COL16A1: variants seen among roughly 807,000 people sequenced by gnomAD.
COL16A1 encodes collagen alpha-1(XVI) chain.
COL16A1 carries 189 observed loss-of-function variants against 266.3 expected under a neutral mutation model. That is an observed-to-expected ratio of 0.71 (90% CI 0.63 to 0.80). The LOEUF is 0.80. Ranked by LOEUF, COL16A1 falls within the 30% of genes least tolerant of loss-of-function variation. The pLI, the probability that COL16A1 is intolerant of heterozygous loss-of-function variation, is 0.00. For missense variants in COL16A1, 1,928 were observed against 2,122.4 expected (o/e 0.91, Z 1.80); for synonymous variants, 740 against 782.3 (o/e 0.95, Z 0.90).
At position 31,683,995 on chromosome 1, in the gene COL16A1, G is replaced by T. The variant is rs757782497; in HGVS notation, c.2292C>A (p.Pro764=). 1 of 1,614,176 alleles carries T rather than the reference G, an allele frequency of 6.2e-7. No homozygotes were observed. Among genetic ancestry groups the T allele is most frequent in the Non-Finnish European group, 8.5e-7 (1 of 1,180,010 alleles). Residue 764 remains proline, a synonymous_variant, in exon 33 of 71, where the codon CCC becomes CCA. Transcript: ENST00000373672. ...GVGRPGKPGQ[P]GLPGVQGPPG... ...GGGGCCCTTGAACTCCTGGTAGACC[G>T]GGTTGGCCCTAAAAGGCATAAGGTG...
At chr1:31,660,760 C>T in intron 61 of COL16A1, 122 bp from the exon 62 acceptor site, 1 of 1,402,228 alleles carries the variant, frequency 7.1e-7, no homozygotes, top group Non-Finnish European at 9.7e-7. Flanking sequence ...GGAGCTGGGC[C>T]AATTCCCAGC....
At chr1:31,653,551 G>A (rs1005243382) in intron 70 of COL16A1, 48 bp downstream of exon 70, 15 of 1,571,486 alleles carry the variant, frequency 9.5e-6, no homozygotes, top group Non-Finnish European at 1.2e-5. Context: ...AAAGAAAAGG[G>A]GTCTCTGCTG....
Position 31,656,133 on chromosome 1 carries a change from A to T in COL16A1, c.4101+267T>A. ...GACAAGGGCCTGGAATGTGAGCAGG[A>T]GCAAGGGAGTGCTCGGGAAATGGAA... is the stretch of plus-strand genomic sequence containing the variant. On this transcript the variant is annotated intron_variant, in intron 66 of 70. Coordinates refer to ENST00000373672, the MANE Select transcript of COL16A1 (RefSeq NM_001856.4). The surrounding 1 kb of genome is among the most constrained non-coding windows in gnomAD (Gnocchi z 4.2). The T allele has an allele frequency of 1.1e-5, 6 of 557,012 alleles. No individual in the cohort carries two copies. The highest frequency in any genetic ancestry group is 1.9e-5 in the Non-Finnish European group (6 of 317,736). The allele number at this position is 557,012 out of a possible 1,614,324, so 34.5% of individuals were successfully genotyped here.
At chr1:31,682,885 A>G in intron 37 of COL16A1, 49 bp downstream of exon 37, 2 of 1,608,820 alleles carry the variant, frequency 1.2e-6, no homozygotes, top group Non-Finnish European at 1.7e-6. Flanking sequence ...CAGCAGAAAC[A>G]TCCTTGGTTC....
In COL16A1 at chr1:31,655,595, G is replaced by C; in HGVS notation, c.4102-93C>G. 1.3e-6 allele frequency: 2 copies of C among 1,567,070 alleles called. 1 individual carries two copies. Among genetic ancestry groups the C allele is most frequent in the South Asian group, 2.4e-5 (2 of 82,058 alleles). Reference sequence around the variant, plus strand: ...TCCACCCTCCCACCAGGCCCCCAGCGTCTCCCTCTAGACTGTGGCCACAGC... The same window carrying C: ...TCCACCCTCCCACCAGGCCCCCAGCCTCTCCCTCTAGACTGTGGCCACAGC... On this transcript the variant is annotated intron_variant, in intron 66 of 70. Transcript: ENST00000373672.
At chr1:31,654,093 C>T (rs1213129637) in intron 68 of COL16A1, 50 bp from the exon 69 acceptor site, 1 of 1,566,682 alleles carries the variant, frequency 6.4e-7, no homozygotes, top group Non-Finnish European at 8.7e-7. Context: ...CCCCCAGGGA[C>T]TCAGAATGAC....
rs1423948507 is a variant in COL16A1, at chr1:31,693,154, C to T, written c.1009G>A (p.Gly337Arg). 1.9e-6 allele frequency: 3 copies of T among 1,603,524 alleles called. No individual in the cohort carries two copies. Among genetic ancestry groups the T allele is most frequent in the Admixed American group, 1.7e-5 (1 of 59,976 alleles). ...NVTLAPSGPK[G>R]GKGERGLPGP... Reference sequence around the variant, plus strand: ...GGCAGGCCCCGCTCACCTTTCCCTCCCTGAGAGTGAAACCAGAATGGAAGA... The same window carrying T: ...GGCAGGCCCCGCTCACCTTTCCCTCTCTGAGAGTGAAACCAGAATGGAAGA... The change falls in exon 13 of 71, where the codon GGA becomes AGA. Residue 337 changes from glycine to arginine, a missense_variant and splice_region_variant. Gly to Arg is a moderately radical substitution (Grantham distance 125). Around this residue, in one of 2 missense-constraint regions of COL16A1, gnomAD observed 1,552 missense variants for 1,637.2 expected, o/e 0.95. Coordinates refer to ENST00000373672, the MANE Select transcript of COL16A1 (RefSeq NM_001856.4).
In COL16A1 at chr1:31,661,126, G is replaced by A. The variant is rs1256123980; in HGVS notation, c.3772-7C>T. On this transcript the variant is annotated splice_region_variant and splice_polypyrimidine_tract_variant and intron_variant, in intron 60 of 70. Coordinates refer to ENST00000373672, the MANE Select transcript of COL16A1 (RefSeq NM_001856.4). ...CTGGTTTGCCACAGTCACCCTAGAA[G>A]AGAGAGGAGCAGCTGGAGCTTACCA... 6.4e-7 allele frequency: 1 copy of A among 1,562,330 alleles called. No homozygotes were observed. The highest frequency in any genetic ancestry group is 8.7e-7 in the Non-Finnish European group (1 of 1,152,206).
chr1:31,679,559 G>A, intron 42 of COL16A1, 73 bp downstream of exon 42: 5 of 1,614,016 alleles, frequency 3.1e-6, no homozygotes, highest in Non-Finnish European at 4.2e-6. Context: ...CATCCTTGGG[G>A]TCCAGCCGGG....
Position 31,654,044 on chromosome 1 carries a change from C to T in COL16A1, c.4358-1G>A. ...CTGGAGGTGTAGTAAGCCATTCTCT[C>T]TGTAAAAAAAGGACAAGGACAGGGA... On this transcript the variant is annotated splice_acceptor_variant, in intron 68 of 70. Transcript: ENST00000373672. LOFTEE classifies it high-confidence loss of function. The T allele has an allele frequency of 6.2e-7, 1 of 1,611,042 alleles. No homozygotes were observed.
At chr1:31,654,935 G>A in intron 67 of COL16A1, 77 bp from the exon 68 acceptor site, 1 of 1,588,632 alleles carries the variant, frequency 6.3e-7, no homozygotes, top group Non-Finnish European at 8.6e-7. Context: ...AAAGGATGGG[G>A]AGGAAGGCAA....
At chr1:31,667,269 C>G (rs1642218216) in intron 52 of COL16A1, among the ~76,000 whole-genome samples, 1 of 152,188 alleles carries the variant, frequency 6.6e-6, no homozygotes, top group South Asian at 2.1e-4. Flanking sequence ...CCTGGCAGGC[C>G]TTGGCTCTGG....
chr1:31,670,750 G>C lies in COL16A1; in HGVS notation c.3151-104C>G. On this transcript the variant is annotated intron_variant, in intron 48 of 70. Coordinates refer to ENST00000373672, the MANE Select transcript of COL16A1 (RefSeq NM_001856.4). The surrounding 1 kb of genome is among the most constrained non-coding windows in gnomAD (Gnocchi z 4.5). ...GGGGGTCATGGGGAGAGGAGGTCAT[G>C]GGAGTATTTTCAAGGCAGCTGGAAA... The C allele has an allele frequency of 1.1e-6, 1 of 951,562 alleles. No homozygotes were observed. The highest frequency in any genetic ancestry group is 1.4e-6 in the Non-Finnish European group (1 of 694,608). The allele number at this position is 951,562 out of a possible 1,614,324, so 58.9% of individuals were successfully genotyped here.
At chr1:31,655,809 C>A in intron 66 of COL16A1, 1 of 408,764 alleles carries the variant, frequency 2.4e-6, no homozygotes, top group Non-Finnish European at 4.4e-6. Flanking sequence ...AGCCTCCTCT[C>A]CCCACCCTCT....
chr1:31,692,718 G>T (rs770378379), intron 14 of COL16A1, 49 bp downstream of exon 14: 1 of 1,613,098 alleles, frequency 6.2e-7, no homozygotes, highest in Non-Finnish European at 8.5e-7. Context: ...CCCTCCCCAG[G>T]GGCTGGCCCC....
Position 31,668,344 on chromosome 1 carries a change from A to T in COL16A1, c.3250-126T>A. On this transcript the variant is annotated intron_variant, in intron 50 of 70. Coordinates refer to ENST00000373672, the MANE Select transcript of COL16A1 (RefSeq NM_001856.4). The surrounding 1 kb of genome is among the most constrained non-coding windows in gnomAD (Gnocchi z 5.8). ...CTAGCAGGTGCCAGCCTGCCCCAGCATTGCACACTGGGCCATCTCCCCAAG... is the reference window on the plus strand; with the variant it reads ...CTAGCAGGTGCCAGCCTGCCCCAGCTTTGCACACTGGGCCATCTCCCCAAG... The T allele has an allele frequency of 1.0e-6, 1 of 972,130 alleles. No homozygotes were observed. The highest frequency in any genetic ancestry group is 1.4e-5 in the South Asian group (1 of 72,448). 60.2% of individuals were successfully genotyped at this position (972,130 alleles called of 1,614,324 possible).
At chr1:31,693,725 C>T (rs754432645) in intron 12 of COL16A1, among the ~76,000 whole-genome samples, 8 of 152,206 alleles carry the variant, frequency 5.3e-5, no homozygotes, top group Non-Finnish European at 8.8e-5. Flanking sequence ...CTCCAGCCTT[C>T]GTGTGCCACA....
At chr1:31,682,839 G>T (rs747426025) in intron 37 of COL16A1, 95 bp downstream of exon 37, 2 of 1,492,406 alleles carry the variant, frequency 1.3e-6, no homozygotes, top group Non-Finnish European at 1.8e-6. Context: ...CCCCTGTGCT[G>T]CTGGGATGGG....
chr1:31,657,024 C>A lies in COL16A1; in HGVS notation c.4056+9G>T, dbSNP rs748267869. On this transcript the variant is annotated intron_variant, in intron 65 of 70. Coordinates refer to ENST00000373672, the MANE Select transcript of COL16A1 (RefSeq NM_001856.4). The surrounding 1 kb of genome is among the most constrained non-coding windows in gnomAD (Gnocchi z 6.4). ...CCCAAGGAAACAGAGAAGACCAGTA[C>A]AACTGTACCTCTTTGCCAGCTGCAC... The A allele has an allele frequency of 6.2e-7, 1 of 1,614,164 alleles. No homozygotes were observed. The highest frequency in any genetic ancestry group is 8.5e-7 in the Non-Finnish European group (1 of 1,180,020).
Sources: allele counts gnomAD v4.1 joint callset (sites outside exome capture counted in the v4.1 genomes callset), GRCh38; gene constraint gnomAD v4.1.1; regional missense constraint gnomAD v4.1.1; non-coding constraint Gnocchi (gnomAD v3.1); transcripts MANE v1.5; gene names NCBI Gene and HGNC (gene_info 2026-07-23, HGNC 2026-07-21).